The following DNAJA2 variants were observed in gnomAD, a reference collection of about 807,000 sequenced individuals.
DNAJA2 encodes the protein dnaJ homolog subfamily A member 2.
Under a neutral mutation model 49.3 loss-of-function variants are expected in DNAJA2, and 6 were observed. The observed-to-expected ratio is 0.12, with a 90% CI of 0.07 to 0.24. The LOEUF is 0.24. DNAJA2 is among the 10% of genes least tolerant of loss of function. DNAJA2 has a pLI of 1.00. For missense variants in DNAJA2, 347 were observed against 516.8 expected (o/e 0.67, Z 3.19); for synonymous variants, 160 against 172.7 (o/e 0.93, Z 0.58).
intron 1 of DNAJA2, chr16:46,972,745 C>A (rs151310054): frequency 6.6e-6 from 1 of 152,330 alleles, no homozygotes; most frequent in East Asian, 1.9e-4. Context: ...GCTTTGAAAT[C>A]CTGAGATGAA....
At position 46,967,622 on chromosome 16, in the gene DNAJA2, G is replaced by A; in HGVS notation, c.468C>T (p.Val156=). Residue 156 remains valine, a synonymous_variant, in exon 5 of 9, where the codon GTC becomes GTT. Transcript: ENST00000317089. Reference sequence around the variant, plus strand: ...GACCTCGACAAGCACTACACTTTTGGACAGCTCCAGACTTTCCGCCTTGGC... The same window carrying A: ...GACCTCGACAAGCACTACACTTTTGAACAGCTCCAGACTTTCCGCCTTGGC... ...CSGQGGKSGA[V]QKCSACRGRG... The A allele has an allele frequency of 1.2e-6, 2 of 1,614,082 alleles. No homozygotes were observed. Among genetic ancestry groups the A allele is most frequent in the Non-Finnish European group, 1.7e-6 (2 of 1,180,020 alleles).
chr16:46,971,722 C>A, intron 2 of DNAJA2, 150 bp from the exon 3 acceptor site: 2 of 826,772 alleles, frequency 2.4e-6, no homozygotes, highest in Non-Finnish European at 3.8e-6. Flanking sequence ...TTACCACCCA[C>A]CGCTCCTCAG....
intron 3 of DNAJA2, among the ~76,000 whole-genome samples, chr16:46,969,697 T>C (rs778583656): frequency 6.6e-6 from 1 of 152,166 alleles, no homozygotes; most frequent in Non-Finnish European, 1.5e-5. Context: ...GCAGTATCTA[T>C]TACAGAGAAA....
At position 46,964,679 on chromosome 16, in the gene DNAJA2, C is replaced by G; in HGVS notation, c.706G>C (p.Glu236Gln). 6.2e-7 allele frequency: 1 copy of G among 1,614,186 alleles called. No individual in the cohort carries two copies. The highest frequency in any genetic ancestry group is 8.5e-7 in the Non-Finnish European group (1 of 1,180,028). ...TCCACTCCTGGGGCCTGGTCTGCTTCCCCAGTGAATGTAATTCTCTGTCCA... is the reference window on the plus strand; with the variant it reads ...TCCACTCCTGGGGCCTGGTCTGCTTGCCCAGTGAATGTAATTCTCTGTCCA... The part of the protein sequence containing the change: ...KHGQRITFTG[E>Q]ADQAPGVEPG... The change falls in exon 6 of 9, where the codon GAA becomes CAA. Residue 236 changes from glutamate to glutamine, a missense_variant. By Grantham distance (29) the Glu-to-Gln change is conservative. Coordinates refer to ENST00000317089, the MANE Select transcript of DNAJA2 (RefSeq NM_005880.4).
intron 6 of DNAJA2, among the ~76,000 whole-genome samples, chr16:46,961,062 G>A (rs1961889066): frequency 2.6e-5 from 4 of 151,910 alleles, no homozygotes; most frequent in Admixed American, 2.6e-4. Context: ...TAAAATGCCA[G>A]TGTTCTAAGA....
In DNAJA2 at chr16:46,959,649, A is replaced by AT; in HGVS notation, c.775-231dup. On this transcript the variant is annotated intron_variant, in intron 6 of 8. Coordinates refer to ENST00000317089, the MANE Select transcript of DNAJA2 (RefSeq NM_005880.4). ...TACTGGAACTGGTAAACAATGGCAT[A>AT]TATAAGAGCAACAGAACTGAGGCCC... is the stretch of plus-strand genomic sequence containing the variant. 6.5e-6 allele frequency: 3 copies of AT among 458,498 alleles called. No homozygotes were observed. In the South Asian group the frequency reaches 9.9e-5, roughly 15 times the overall value. The allele number at this position is 458,498 out of a possible 1,614,324, so 28.4% of individuals were successfully genotyped here. A position where few individuals can be genotyped will look rare whatever the true frequency, so the allele number is the denominator to read the frequency against.
chr16:46,964,235 G>A (rs986333379), intron 6 of DNAJA2, among the ~76,000 whole-genome samples: 18 of 152,172 alleles, frequency 1.2e-4, no homozygotes, highest in Non-Finnish European at 2.9e-5. Context: ...AGCCAGGAGT[G>A]AAGAAGCATG....
intron 5 of DNAJA2, among the ~76,000 whole-genome samples, chr16:46,965,464 A>G (rs1435912937): frequency 6.6e-6 from 1 of 152,224 alleles, no homozygotes; most frequent in Admixed American, 6.5e-5. Context: ...AAAGAAGTGT[A>G]TAACTGATTA....
At chr16:46,958,265 A>T (rs932491995) in intron 8 of DNAJA2, among the ~76,000 whole-genome samples, 1 of 152,006 alleles carries the variant, frequency 6.6e-6, no homozygotes, top group African/African-American at 2.4e-5. Flanking sequence ...AAAAGAAAGA[A>T]ACTTGGCTGG....
intron 8 of DNAJA2, chr16:46,958,766 G>GA (rs1463065372): frequency 7.5e-6 from 3 of 398,710 alleles, no homozygotes; most frequent in Non-Finnish European, 1.3e-5. Context: ...GTGACACAGT[G>GA]AGACTGTGTC....
chr16:46,961,565 C>T (rs1961895477), intron 6 of DNAJA2, among the ~76,000 whole-genome samples: 1 of 120,296 alleles, frequency 8.3e-6, no homozygotes, highest in South Asian at 3.1e-4. Flanking sequence ...GTCTGGGTGA[C>T]AGGGCAAGAC....
rs1202183565 is a variant in DNAJA2, at chr16:46,956,372, C to A, written c.*657G>T. ...TATGTTTTTCCTTCTAAAAATGTGA[C>A]ACAAAAGAATAATTTACACCAACCG... On this transcript the variant is annotated 3_prime_UTR_variant, in exon 9 of 9. Coordinates refer to ENST00000317089, the MANE Select transcript of DNAJA2 (RefSeq NM_005880.4). The A allele has an allele frequency of 2.1e-5, 3 of 141,036 alleles. No homozygotes were observed. Among genetic ancestry groups the A allele is most frequent in the African/African-American group, 7.9e-5 (3 of 37,880 alleles). 8.7% of individuals were successfully genotyped at this position (141,036 alleles called of 1,614,324 possible).
chr16:46,962,563 T>TAAA (rs1567353198), intron 6 of DNAJA2, among the ~76,000 whole-genome samples: 1 of 152,178 alleles, frequency 6.6e-6, no homozygotes, highest in African/African-American at 2.4e-5. Flanking sequence ...AATTTCCAAT[T>TAAA]ATTTAGCTGT....
chr16:46,957,298 CTGT>C (rs1961828694), intron 8 of DNAJA2, 78 bp from the exon 9 acceptor site: 2 of 1,348,484 alleles, frequency 1.5e-6, no homozygotes, highest in Admixed American at 4.4e-5. Context: ...AATCCAGTGT[CTGT>C]TTAAGAGTTT....
chr16:46,973,446 C>A, intron 1 of DNAJA2, 49 bp downstream of exon 1: 2 of 1,531,810 alleles, frequency 1.3e-6, no homozygotes, highest in African/African-American at 2.8e-5. Flanking sequence ...ACATCCCTGG[C>A]CGCGCAGGCC....
In DNAJA2 at chr16:46,956,777, A is replaced by G. The variant is rs1961821079; in HGVS notation, c.*252T>C. 7.9e-6 allele frequency: 3 copies of G among 379,352 alleles called. No individual in the cohort carries two copies. The highest frequency in any genetic ancestry group is 4.7e-5 in the South Asian group (1 of 21,222). The allele number at this position is 379,352 out of a possible 1,614,324, so 23.5% of individuals were successfully genotyped here. A position where few individuals can be genotyped will look rare whatever the true frequency, so the allele number is the denominator to read the frequency against. On this transcript the variant is annotated 3_prime_UTR_variant, in exon 9 of 9. Coordinates refer to ENST00000317089, the MANE Select transcript of DNAJA2 (RefSeq NM_005880.4). ...CCAGGATTGAAACTTATAATAATCC[A>G]TGTGTGAAAGGGAGTCTTGTTTCCT...
intron 2 of DNAJA2, 117 bp from the exon 3 acceptor site, chr16:46,971,689 C>T (rs761799717): frequency 2.0e-5 from 15 of 761,332 alleles, no homozygotes; most frequent in Admixed American, 9.7e-5. Context: ...GACAAGTTAC[C>T]TTTGACTTGA....
chr16:46,959,595 G>A (rs1434211894), intron 6 of DNAJA2, 176 bp from the exon 7 acceptor site: 2 of 553,504 alleles, frequency 3.6e-6, no homozygotes, highest in Non-Finnish European at 6.3e-6. Context: ...TTCCCAAGTA[G>A]TATGTGAGAA....
chr16:46,971,552 T>G lies in DNAJA2; in HGVS notation c.159A>C (p.Ala53=). The change falls in exon 3 of 9, where the codon GCA becomes GCC. Residue 53 remains alanine (A), a synonymous_variant. Transcript: ENST00000317089. ...TCTCAGGATTTGATAGTACTTCATA[T>G]GCAAAACTTATTTCTTTAAACTATA... ...AGDKFKEISF[A]YEVLSNPEKR... 6.3e-7 allele frequency: 1 copy of G among 1,586,852 alleles called. No individual in the cohort carries two copies. Among genetic ancestry groups the G allele is most frequent in the African/African-American group, 1.4e-5 (1 of 73,184 alleles).
Sources: allele counts gnomAD v4.1 joint callset (sites outside exome capture counted in the v4.1 genomes callset), GRCh38; gene constraint gnomAD v4.1.1; transcripts MANE v1.5; gene names NCBI Gene and HGNC (gene_info 2026-07-23, HGNC 2026-07-21).